Variants in KCND2 observed in about 807,000 individuals in gnomAD.
KCND2 encodes potassium voltage-gated channel subfamily D member 2.
In KCND2, 16 loss-of-function variants were observed where a neutral mutation model predicts 54.4. That is an observed-to-expected ratio of 0.29 (90% CI 0.20 to 0.45). KCND2 has a LOEUF of 0.45. Ranked by LOEUF, KCND2 falls within the 20% of genes least tolerant of loss-of-function variation. The pLI, the probability that KCND2 is intolerant of heterozygous loss-of-function variation, is 1.00. For synonymous variants in KCND2, 317 were observed against 310.7 expected (o/e 1.02, Z -0.21); for missense variants, 486 against 824.2 (o/e 0.59, Z 5.02).
chr7:120,295,381 CACACACACACAG>C (rs1442266313), intron 1 of KCND2, among the ~76,000 whole-genome samples: 61 of 140,664 alleles, frequency 4.3e-4, no homozygotes, highest in African/African-American at 1.4e-3. Context: ...CACACACACA[CACACACACACAG>C]ACACACACAC....
chr7:120,320,504 G>A lies in KCND2; in HGVS notation c.1115+44757G>A, dbSNP rs147084564. Reference sequence around the variant, plus strand: ...ATGAAGGTGGCAAATTAGGGAAAAGGCCTTTCCACTCTACAAAAGGACTTT... The same window carrying A: ...ATGAAGGTGGCAAATTAGGGAAAAGACCTTTCCACTCTACAAAAGGACTTT... On this transcript the variant is annotated intron_variant, in intron 1 of 5. Coordinates refer to ENST00000331113, the MANE Select transcript of KCND2 (RefSeq NM_012281.3). Among the ~76,000 whole-genome samples, 149 of 152,266 alleles carry A rather than the reference G, an allele frequency of 9.8e-4. 1 individual carries two copies. Among genetic ancestry groups the A allele is most frequent in the African/African-American group, 3.4e-3 (142 of 41,564 alleles).
chr7:120,560,286 A>G (rs1370397850), intron 1 of KCND2, among the ~76,000 whole-genome samples: 1 of 152,198 alleles, frequency 6.6e-6, no homozygotes, highest in Non-Finnish European at 1.5e-5. Context: ...TAATCAGCAG[A>G]AGAAATTTTA....
intron 1 of KCND2, among the ~76,000 whole-genome samples, chr7:120,312,171 T>C (rs1799744102): frequency 6.6e-6 from 1 of 152,164 alleles, no homozygotes; most frequent in Non-Finnish European, 1.5e-5. Flanking sequence ...CCTCCCAAAA[T>C]GCTGGGATTA....
intron 1 of KCND2, among the ~76,000 whole-genome samples, chr7:120,390,947 TG>T (rs1188782215): frequency 6.6e-6 from 1 of 152,066 alleles, no homozygotes; most frequent in Admixed American, 6.6e-5. Flanking sequence ...ATGTGCTGAA[TG>T]GGGCAGGTTA....
intron 1 of KCND2, among the ~76,000 whole-genome samples, chr7:120,696,574 A>C (rs1337119612): frequency 6.6e-6 from 1 of 152,186 alleles, no homozygotes. Context: ...CCAATACAAC[A>C]GTGTTGGGAG....
chr7:120,436,751 A>G (rs911443458), intron 1 of KCND2, among the ~76,000 whole-genome samples: 1 of 151,978 alleles, frequency 6.6e-6, no homozygotes, highest in African/African-American at 2.4e-5. Context: ...CCTTGTCCTC[A>G]TTCCAAGGAC....
chr7:120,470,872 A>G (rs1188385331), intron 1 of KCND2, among the ~76,000 whole-genome samples: 2 of 152,020 alleles, frequency 1.3e-5, no homozygotes, highest in African/African-American at 4.8e-5. Context: ...TCACTTATGA[A>G]TTGAATTAAT....
intron 1 of KCND2, among the ~76,000 whole-genome samples, chr7:120,451,559 G>A (rs1802108406): frequency 6.6e-6 from 1 of 152,152 alleles, no homozygotes; most frequent in Non-Finnish European, 1.5e-5. Flanking sequence ...ACACCTTCAA[G>A]CTATAGGTTG....
intron 1 of KCND2, among the ~76,000 whole-genome samples, chr7:120,444,744 T>C (rs1321855528): frequency 6.6e-6 from 1 of 152,090 alleles, no homozygotes; most frequent in African/African-American, 2.4e-5. Context: ...TAAGCAAATA[T>C]ATAATAATGC....
intron 1 of KCND2, among the ~76,000 whole-genome samples, chr7:120,609,222 G>A (rs545387323): frequency 6.6e-6 from 1 of 151,972 alleles, no homozygotes; most frequent in African/African-American, 2.4e-5. Flanking sequence ...GGCAAACTAA[G>A]GTCATATAAT....
chr7:120,648,537 G>T (rs1286641076), intron 1 of KCND2, among the ~76,000 whole-genome samples: 1 of 152,162 alleles, frequency 6.6e-6, no homozygotes, highest in Non-Finnish European at 1.5e-5. Context: ...ACCCTGAAAG[G>T]AGTAGATGAG....
At chr7:120,545,710 T>G (rs1330972299) in intron 1 of KCND2, among the ~76,000 whole-genome samples, 1 of 151,740 alleles carries the variant, frequency 6.6e-6, no homozygotes, top group African/African-American at 2.4e-5. Flanking sequence ...CTACAAAATG[T>G]GATGTAGGGG....
At chr7:120,691,761 G>A (rs541029470) in intron 1 of KCND2, among the ~76,000 whole-genome samples, 24 of 152,280 alleles carry the variant, frequency 1.6e-4, no homozygotes, top group African/African-American at 5.5e-4. Context: ...CATCAACAAG[G>A]GAAGGAGTGT....
chr7:120,504,412 G>A (rs553525546), intron 1 of KCND2, among the ~76,000 whole-genome samples: 1 of 151,930 alleles, frequency 6.6e-6, no homozygotes, highest in Non-Finnish European at 1.5e-5. Flanking sequence ...ACTCAAGTAT[G>A]TGGATCTATT....
intron 1 of KCND2, among the ~76,000 whole-genome samples, chr7:120,523,702 CTCTGTGTG>C (rs1156704583): frequency 6.3e-5 from 7 of 111,032 alleles, no homozygotes; most frequent in African/African-American, 2.2e-4. Context: ...CACACACACA[CTCTGTGTG>C]TGTGTGTGTG....
rs559101345 is a variant in KCND2 at position 120,669,251 on chromosome 7, G to A, written c.1116-63652G>A. ...TTGTTCAAGAGTGAAATTGTGTATA[G>A]AGTACAAATAAATATCTTGATTTTT... On this transcript the variant is annotated intron_variant, in intron 1 of 5. Transcript: ENST00000331113. Among the ~76,000 whole-genome samples, 90 of 151,984 alleles carry A rather than the reference G, an allele frequency of 5.9e-4. 1 individual carries two copies. Among genetic ancestry groups the A allele is most frequent in the Non-Finnish European group, 3.5e-4 (24 of 67,932 alleles).
At chr7:120,545,769 G>A (rs1792035010) in intron 1 of KCND2, among the ~76,000 whole-genome samples, 1 of 151,650 alleles carries the variant, frequency 6.6e-6, no homozygotes, top group African/African-American at 2.4e-5. Flanking sequence ...GGGTGTTGAA[G>A]CAATTTTTAA....
chr7:120,289,563 C>G (rs1799405360), intron 1 of KCND2, among the ~76,000 whole-genome samples: 1 of 152,002 alleles, frequency 6.6e-6, no homozygotes, highest in Non-Finnish European at 1.5e-5. Flanking sequence ...AATCTCATGT[C>G]CCTTTTCAGG....
At chr7:120,465,482 T>C (rs1020369230) in intron 1 of KCND2, among the ~76,000 whole-genome samples, 1 of 151,194 alleles carries the variant, frequency 6.6e-6, no homozygotes, top group Non-Finnish European at 1.5e-5. Context: ...AGTAACTAGA[T>C]GGAGAACAAT....
Sources: gnomAD v4.1 joint callset for allele counts (sites outside exome capture counted in the v4.1 genomes callset) on GRCh38, gnomAD v4.1.1 for gene constraint, MANE v1.5 for transcripts, NCBI Gene and HGNC (gene_info 2026-07-23, HGNC 2026-07-21) for gene names.